The following RADX variants were observed in gnomAD, a reference collection of about 807,000 sequenced individuals.
The protein encoded by RADX is RPA1 related single stranded DNA binding protein, X-linked.
Under a neutral mutation model 61.6 loss-of-function variants are expected in RADX, and 36 were observed. The ratio of observed to expected loss-of-function variants is 0.58; its 90% CI spans 0.45 to 0.77. The LOEUF is 0.77. RADX is among the 30% of genes least tolerant of loss of function. The probability of loss-of-function intolerance (pLI) is 0.00; values close to 1 mark genes in which losing one functional copy is unlikely to be tolerated. For missense variants in RADX, 497 were observed against 651.1 expected (o/e 0.76, Z 2.58); for synonymous variants, 272 against 237.9 (o/e 1.14, Z -1.32).
chrX:106,635,511 A>T (rs185105887), intron 6 of RADX, among the ~76,000 whole-genome samples: 39 of 111,810 alleles, frequency 3.5e-4, no homozygotes, highest in African/African-American at 1.1e-3. Context: ...AGCCATTAGT[A>T]TTCATATGTT....
At chrX:106,629,148 A>G (rs954147295) in intron 3 of RADX, among the ~76,000 whole-genome samples, 4 of 111,855 alleles carry the variant, frequency 3.6e-5, no homozygotes, top group African/African-American at 9.8e-5. Context: ...GTATTACATA[A>G]TGCATATTGA....
At chrX:106,625,750 A>G (rs1011169023) in intron 3 of RADX, among the ~76,000 whole-genome samples, 3 of 111,143 alleles carry the variant, frequency 2.7e-5, no homozygotes, top group Admixed American at 1.9e-4. Context: ...CTTTATCATT[A>G]TATATCTCTC....
chrX:106,648,654 T>TTGTC (rs886511704), intron 11 of RADX, among the ~76,000 whole-genome samples: 2 of 111,404 alleles, frequency 1.8e-5, no homozygotes, highest in Non-Finnish European at 3.8e-5. Flanking sequence ...AATAGAAGAA[T>TTGTC]AAGTAGGAAG....
intron 9 of RADX, 23 bp from the exon 10 acceptor site, chrX:106,640,529 T>C (rs1189209818): frequency 9.1e-7 from 1 of 1,104,455 alleles, no homozygotes; most frequent in East Asian, 3.1e-5. Flanking sequence ...CCTAAAGTGT[T>C]TTCTCTAAAT....
rs139595497 is a variant in RADX at position 106,662,135 on chromosome X, G to A, written c.2099G>A (p.Arg700His). The change falls in exon 12 of 14, where the codon CGT becomes CAT. Residue 700 changes from arginine (R) to histidine (H), a missense_variant. By Grantham distance (29) the Arg-to-His change is conservative (BLOSUM62 0). Transcript: ENST00000372548. ...TTAATAGATCACCTACACTACAGCC[G>A]TGTTTATCCTGAAAGTATTCCACGG... ...FGLIDHLHYS[R>H]VYPESIPRKF... 62 of 1,208,596 alleles carry A rather than the reference G, an allele frequency of 5.1e-5. No individual in the cohort carries two copies. Among genetic ancestry groups the A allele is most frequent in the East Asian group, 3.0e-5 (1 of 33,720 alleles).
In RADX at chrX:106,669,144, T is replaced by A. The variant is rs187932067; in HGVS notation, c.2270-19T>A. On this transcript the variant is annotated intron_variant, in intron 12 of 13. Coordinates refer to ENST00000372548, the MANE Select transcript of RADX (RefSeq NM_018015.6). ...CTAACCCACTGAACTTTTAATAATGTGTGAACTTTCTTTAACAGGTCTGAA... is the reference window on the plus strand; with the variant it reads ...CTAACCCACTGAACTTTTAATAATGAGTGAACTTTCTTTAACAGGTCTGAA... 9.0e-5 allele frequency: 107 copies of A among 1,190,099 alleles called. No homozygotes were observed. In the Admixed American group the frequency reaches 2.3e-3, roughly 26 times the overall value.
intron 11 of RADX, among the ~76,000 whole-genome samples, chrX:106,660,250 A>G (rs1228179731): frequency 9.0e-6 from 1 of 111,659 alleles, no homozygotes; most frequent in Middle Eastern, 4.4e-3. Flanking sequence ...TTTGTTATCA[A>G]TCATTATTAT....
At chrX:106,628,986 T>C (rs1238644445) in intron 3 of RADX, among the ~76,000 whole-genome samples, 1 of 112,215 alleles carries the variant, frequency 8.9e-6, no homozygotes, top group Non-Finnish European at 1.9e-5. Flanking sequence ...AAGATGGAAA[T>C]TCTATTGCAA....
In RADX at chrX:106,637,896, AT is replaced by A; in HGVS notation, c.1549del (p.Ser517ProfsTer13). On this transcript the variant is annotated frameshift_variant, in exon 8 of 14. Transcript: ENST00000372548. LOFTEE classifies it high-confidence loss of function. Reference sequence around the variant, plus strand: ...ACCCCTATCCACCAGTGCCAGAGACATTTTCCAAGTATAGTAGTTCTATTAA... The same window carrying A: ...ACCCCTATCCACCAGTGCCAGAGACATTTCCAAGTATAGTAGTTCTATTAA... Reference protein sequence around the residue: ...YYPYPPVPETFSKYSSSIKVE... With the variant: ...YYPYPPVPETXSKYSSSIKVE... 8.3e-7 allele frequency: 1 copy of A among 1,206,716 alleles called. No individual in the cohort carries two copies. The highest frequency in any genetic ancestry group is 1.1e-6 in the Non-Finnish European group (1 of 891,153).
intron 6 of RADX, among the ~76,000 whole-genome samples, chrX:106,635,710 G>A (rs938359935): frequency 1.2e-4 from 13 of 111,989 alleles, no homozygotes; most frequent in African/African-American, 4.2e-4. Flanking sequence ...AAATTACTTT[G>A]TGTGATTATA....
chrX:106,633,620 G>A (rs1240560701), intron 6 of RADX, among the ~76,000 whole-genome samples: 2 of 111,588 alleles, frequency 1.8e-5, no homozygotes, highest in South Asian at 3.7e-4. Context: ...TAAAGACATC[G>A]AAGACTTATA....
At chrX:106,640,804 G>C (rs1455797849) in intron 10 of RADX, 83 bp downstream of exon 10, 2 of 681,462 alleles carry the variant, frequency 2.9e-6, no homozygotes, top group African/African-American at 4.5e-5. Context: ...AATTATCGTA[G>C]AAGCTGTATT....
At chrX:106,636,489 G>A in intron 6 of RADX, 54 bp from the exon 7 acceptor site, 1 of 701,460 alleles carries the variant, frequency 1.4e-6, no homozygotes, top group East Asian at 3.2e-5. Flanking sequence ...TCCTGATCTT[G>A]TTATGTCCTA....
intron 13 of RADX, among the ~76,000 whole-genome samples, chrX:106,669,898 A>G (rs1270526701): frequency 1.8e-5 from 2 of 112,033 alleles, no homozygotes; most frequent in Non-Finnish European, 3.8e-5. Flanking sequence ...TATCTGTCCA[A>G]TTATAATTAC....
Position 106,612,745 on chromosome X carries a change from C to T in RADX, c.643+22C>T, listed in dbSNP as rs1475052716. On this transcript the variant is annotated intron_variant, in intron 1 of 13. Coordinates refer to ENST00000372548, the MANE Select transcript of RADX (RefSeq NM_018015.6). ...AGCGGTAAGTGTTTGGAAAGAACGG[C>T]AGAGGGTTTTAAAAAAAATAGTTTT... 4 of 1,153,927 alleles carry T rather than the reference C, an allele frequency of 3.5e-6. No homozygotes were observed. In the African/African-American group the frequency reaches 7.3e-5, roughly 21 times the overall value.
intron 1 of RADX, among the ~76,000 whole-genome samples, chrX:106,617,020 G>GTTTTTTTTTTTTTTTTTT: frequency 1.8e-5 from 1 of 54,544 alleles, no homozygotes; most frequent in Non-Finnish European, 3.2e-5. Flanking sequence ...GTGTGTGTGG[G>GTTTTTTTTTTTTTTTTTT]TTTTTTTTTT....
chrX:106,658,165 A>G (rs1468161458), intron 11 of RADX, among the ~76,000 whole-genome samples: 2 of 112,417 alleles, frequency 1.8e-5, no homozygotes, highest in Non-Finnish European at 3.8e-5. Context: ...TGATATAAAA[A>G]GATGGAAAAG....
At chrX:106,650,664 GC>G (rs1335269392) in intron 11 of RADX, among the ~76,000 whole-genome samples, 1 of 111,307 alleles carries the variant, frequency 9.0e-6, no homozygotes, top group African/African-American at 3.3e-5. Flanking sequence ...TGATCCTCCA[GC>G]CTCAGCCTTC....
At chrX:106,613,934 T>C (rs1926739125) in intron 1 of RADX, among the ~76,000 whole-genome samples, 1 of 111,972 alleles carries the variant, frequency 8.9e-6, no homozygotes, top group Non-Finnish European at 1.9e-5. Context: ...ATTAATACTT[T>C]GTAAAATGTA....
Sources: allele counts gnomAD v4.1 joint callset (sites outside exome capture counted in the v4.1 genomes callset), GRCh38; gene constraint gnomAD v4.1.1; transcripts MANE v1.5; gene names NCBI Gene and HGNC (gene_info 2026-07-23, HGNC 2026-07-21).